Variants in EIF4E observed in about 807,000 individuals in gnomAD.
The protein encoded by EIF4E is eukaryotic translation initiation factor 4E.
For synonymous variants in EIF4E, 71 were observed against 88.5 expected (o/e 0.80, Z 1.11); for missense variants, 113 against 265.6 (o/e 0.43, Z 3.99).
At chr4:98,892,658 G>A (rs1244104780) in intron 2 of EIF4E, among the ~76,000 whole-genome samples, 2 of 145,370 alleles carry the variant, frequency 1.4e-5, no homozygotes, top group Admixed American at 1.4e-4. Flanking sequence ...CTCCAGCCAG[G>A]GCAACAGAGG....
intron 6 of EIF4E, among the ~76,000 whole-genome samples, chr4:98,882,662 CTTAA>C (rs1467271908): frequency 2.6e-5 from 4 of 151,456 alleles, no homozygotes; most frequent in African/African-American, 4.8e-5. Flanking sequence ...TTCAATTATA[CTTAA>C]TTATTAAAAA....
At position 98,901,927 on chromosome 4, in the gene EIF4E, T is replaced by G. The variant is rs774230839; in HGVS notation, c.74A>C (p.Asn25Thr). Residue 25 changes from asparagine (N) to threonine (T), a missense_variant, in exon 2 of 7, where the codon AAT (asparagine) becomes ACT (threonine). Asn to Thr is a moderately conservative substitution (Grantham distance 65). Transcript: ENST00000450253. The stretch of plus-strand genomic sequence containing the variant: ...GTGTTCTGGGTTAGCAACCTCCTGA[T>G]TAGATTCCGTTTTCTCCTCTTCTGT... Reference protein sequence around the residue: ...PTTEEEKTESNQEVANPEHYI... With the variant: ...PTTEEEKTESTQEVANPEHYI... 1 of 1,612,990 alleles carries G rather than the reference T, an allele frequency of 6.2e-7. No individual in the cohort carries two copies. The highest frequency in any genetic ancestry group is 8.5e-7 in the Non-Finnish European group (1 of 1,179,890).
In EIF4E at chr4:98,884,819, A is replaced by G. The variant is rs1163849896; in HGVS notation, c.539+103T>C. On this transcript the variant is annotated intron_variant, in intron 6 of 6. Transcript: ENST00000450253. ...TGTTCACGAAAACAATACAAGGAAA[A>G]CAGGATCTACAAACTGAAGTATTTC... 23 of 1,461,496 alleles carry G rather than the reference A, an allele frequency of 1.6e-5. No individual in the cohort carries two copies. In the Admixed American group the frequency reaches 4.4e-4, roughly 28 times the overall value. The allele number at this position is 1,461,496 out of a possible 1,614,324, so 90.5% of individuals were successfully genotyped here.
intron 1 of EIF4E, among the ~76,000 whole-genome samples, chr4:98,918,250 C>G (rs1272040249): frequency 6.6e-6 from 1 of 151,278 alleles, no homozygotes; most frequent in Non-Finnish European, 1.5e-5. Flanking sequence ...TGTAATCCAG[C>G]TGGTCGGGAG....
At chr4:98,884,243 A>T (rs1040421455) in intron 6 of EIF4E, among the ~76,000 whole-genome samples, 1 of 152,218 alleles carries the variant, frequency 6.6e-6, no homozygotes, top group Non-Finnish European at 1.5e-5. Context: ...TTATGAGCAT[A>T]CATTAGCTCT....
rs531459119 is a variant in EIF4E, at chr4:98,879,761, C to T, written c.*1267G>A. ...CCAATCAAATGGTGATGCATCAGAT[C>T]CCAATTCTCATGAGTATTAACATAT... On this transcript the variant is annotated 3_prime_UTR_variant, in exon 7 of 7. Coordinates refer to ENST00000450253, the MANE Select transcript of EIF4E (RefSeq NM_001968.5). The T allele has an allele frequency of 1.3e-5, 2 of 152,134 alleles. No homozygotes were observed. Among genetic ancestry groups the T allele is most frequent in the South Asian group, 2.1e-4 (1 of 4,818 alleles). The allele number at this position is 152,134 out of a possible 1,614,324, so 9.4% of individuals were successfully genotyped here.
intron 1 of EIF4E, among the ~76,000 whole-genome samples, chr4:98,927,516 C>T (rs1208099614): frequency 2.0e-5 from 3 of 151,786 alleles, no homozygotes; most frequent in African/African-American, 7.3e-5. Flanking sequence ...ATTAGCCAGG[C>T]ACGGTTGTGC....
chr4:98,919,341 A>C (rs986876796), intron 1 of EIF4E, among the ~76,000 whole-genome samples: 2 of 147,050 alleles, frequency 1.4e-5, no homozygotes, highest in East Asian at 3.9e-4. Flanking sequence ...GCAAAAAAAA[A>C]AAAAACAAAA....
At chr4:98,883,944 T>C (rs1723806533) in intron 6 of EIF4E, among the ~76,000 whole-genome samples, 1 of 149,688 alleles carries the variant, frequency 6.7e-6, no homozygotes, top group African/African-American at 2.5e-5. Context: ...GTGGCTGAGG[T>C]AGGAGTATCA....
intron 1 of EIF4E, among the ~76,000 whole-genome samples, chr4:98,909,305 T>C (rs1214557967): frequency 6.6e-6 from 1 of 152,244 alleles, no homozygotes. Context: ...AATGAGAACA[T>C]TATTTAATAC....
rs1428327967 is a variant in EIF4E at position 98,887,960 on chromosome 4, A to C, written c.222-8T>G. The C allele has an allele frequency of 6.2e-7, 1 of 1,609,706 alleles. No homozygotes were observed. The highest frequency in any genetic ancestry group is 8.5e-7 in the Non-Finnish European group (1 of 1,177,594). The stretch of plus-strand genomic sequence containing the variant: ...TGGATATGGTTGTACAGACTAGGTA[A>C]AAGAAAATAACAATTAAAAACACAG... On this transcript the variant is annotated splice_polypyrimidine_tract_variant and splice_region_variant and intron_variant, in intron 3 of 6. Transcript: ENST00000450253. The surrounding 1 kb of genome is among the most constrained non-coding windows in gnomAD (Gnocchi z 4.0).
intron 1 of EIF4E, among the ~76,000 whole-genome samples, chr4:98,911,296 C>A (rs904822527): frequency 1.3e-5 from 2 of 151,358 alleles, no homozygotes; most frequent in African/African-American, 4.8e-5. Context: ...GATTCACCCG[C>A]CTCGGCCTCC....
intron 5 of EIF4E, 124 bp downstream of exon 5, chr4:98,886,955 C>A: frequency 1.0e-6 from 1 of 965,162 alleles, no homozygotes. Flanking sequence ...TAATTACTGA[C>A]CCTGATTTTC....
chr4:98,921,973 T>A (rs758768853), intron 1 of EIF4E, among the ~76,000 whole-genome samples: 22 of 152,194 alleles, frequency 1.4e-4, no homozygotes, highest in Non-Finnish European at 3.1e-4. Flanking sequence ...GTCCTCAAGA[T>A]TATATATTTT....
At chr4:98,925,893 C>T (rs953305787) in intron 1 of EIF4E, 1 of 151,312 alleles carries the variant, frequency 6.6e-6, no homozygotes, top group Non-Finnish European at 1.5e-5. Context: ...AGGCGAGGCT[C>T]GGTGGCTCAC....
intron 5 of EIF4E, chr4:98,886,838 A>G: frequency 4.2e-6 from 2 of 479,228 alleles, no homozygotes; most frequent in Middle Eastern, 6.1e-4. Flanking sequence ...GACCACAGTG[A>G]GCTTACTGTG....
chr4:98,928,823 C>CACCTCGCGGTT, intron 1 of EIF4E: 1 of 1,518,668 alleles, frequency 6.6e-7, no homozygotes, highest in Admixed American at 2.0e-5. Flanking sequence ...ACCCTGTAGA[C>CACCTCGCGGTT]ACCTCGCGGT....
intron 2 of EIF4E, among the ~76,000 whole-genome samples, chr4:98,901,200 CTT>C (rs559776648): frequency 1.1e-4 from 16 of 142,764 alleles, no homozygotes; most frequent in Non-Finnish European, 9.2e-5. Context: ...ACCACTGTCT[CTT>C]TTTTTTTTTT....
intron 2 of EIF4E, among the ~76,000 whole-genome samples, 195 bp downstream of exon 2, chr4:98,901,681 C>T (rs1249077782): frequency 6.6e-6 from 1 of 152,234 alleles, no homozygotes; most frequent in African/African-American, 2.4e-5. Flanking sequence ...AAACTAATCT[C>T]TCACATAGCT....
Sources: allele counts gnomAD v4.1 joint callset (sites outside exome capture counted in the v4.1 genomes callset), GRCh38; gene constraint gnomAD v4.1.1; non-coding constraint Gnocchi (gnomAD v3.1); transcripts MANE v1.5; gene names NCBI Gene and HGNC (gene_info 2026-07-23, HGNC 2026-07-21).